The following DOCK10 variants were observed in gnomAD, a reference collection of about 807,000 sequenced individuals.
DOCK10 encodes the protein dedicator of cytokinesis 10.
Under a neutral mutation model 280.1 loss-of-function variants are expected in DOCK10, and 145 were observed. The observed-to-expected ratio is 0.52, with a 90% confidence interval of 0.45 to 0.59. The LOEUF (loss-of-function observed/expected upper bound fraction) is 0.59, where lower values mean the gene tolerates loss of function less well. DOCK10 is among the 20% of genes least tolerant of loss of function. The probability of loss-of-function intolerance (pLI) is 0.00; values close to 1 mark genes in which losing one functional copy is unlikely to be tolerated. For synonymous variants in DOCK10, 915 were observed against 942.2 expected, an observed-to-expected ratio of 0.97 and a Z score of 0.53; for missense variants, 2,368 against 2,651.7, an observed-to-expected ratio of 0.89 and a Z score of 2.35.
chr2:224,968,388 A>G (rs1056605449), intron 1 of DOCK10, among the ~76,000 whole-genome samples: 1 of 152,226 alleles, frequency 6.6e-6, no homozygotes. Context: ...GGCCTGAGGA[A>G]GCTCAACCCC....
chr2:224,873,232 T>G (rs1156270983), intron 11 of DOCK10, among the ~76,000 whole-genome samples: 1 of 152,180 alleles, frequency 6.6e-6, no homozygotes, highest in Non-Finnish European at 1.5e-5. Context: ...GATTTTTCTC[T>G]AATACACATG....
intron 13 of DOCK10, among the ~76,000 whole-genome samples, chr2:224,863,513 C>G (rs1044735777): frequency 3.9e-5 from 6 of 152,078 alleles, no homozygotes; most frequent in Non-Finnish European, 5.9e-5. Context: ...AGTGCAGTGG[C>G]AGGATCTTGG....
chr2:224,822,776 C>T (rs1559491353), intron 28 of DOCK10, among the ~76,000 whole-genome samples: 1 of 151,962 alleles, frequency 6.6e-6, no homozygotes, highest in Non-Finnish European at 1.5e-5. Flanking sequence ...ATTCCTGAAG[C>T]GTTTCCCAAA....
intron 53 of DOCK10, among the ~76,000 whole-genome samples, chr2:224,771,132 G>A (rs1372406425): frequency 1.3e-5 from 2 of 151,684 alleles, no homozygotes; most frequent in African/African-American, 4.9e-5. Context: ...GACGGGGGAA[G>A]GGGGGCGGTC....
rs1386476589 is a variant in DOCK10 at position 224,830,578 on chromosome 2, G to A, written c.2999C>T (p.Ser1000Leu). ...TGTGTCAATCAAGTGCTGTGCCATC[G>A]ATTTTAGGATAATTGCAAAGAAGAA... The part of the protein sequence containing the change: ...SWFFFAIILK[S>L]MAQHLIDTNK... The change falls in exon 27 of 56, where the codon TCG becomes TTG. Residue 1000 changes from serine (S) to leucine (L), a missense_variant. Ser to Leu is a moderately radical substitution (Grantham distance 145). This residue lies in a region of DOCK10 where 1,209 missense variants were observed against 1,250.9 expected (regional missense o/e 0.97). Transcript: ENST00000258390. 6 of 1,534,774 alleles carry A rather than the reference G, an allele frequency of 3.9e-6. No homozygotes were observed. Among genetic ancestry groups the A allele is most frequent in the South Asian group, 2.7e-5 (2 of 74,286 alleles).
chr2:224,856,414 T>C (rs1219328603), intron 15 of DOCK10, among the ~76,000 whole-genome samples: 4 of 152,196 alleles, frequency 2.6e-5, no homozygotes, highest in Admixed American at 1.3e-4. Context: ...AGGCCGGGCC[T>C]TAGGAAGCCT....
At position 224,876,040 on chromosome 2, in the gene DOCK10, A is replaced by T; in HGVS notation, c.929T>A (p.Leu310Gln). Residue 310 changes from leucine (L) to glutamine (Q), a missense_variant and splice_region_variant, in exon 8 of 56, where the codon CTG (leucine) becomes CAG (glutamine). Coordinates refer to ENST00000258390, the MANE Select transcript of DOCK10 (RefSeq NM_014689.3). ...RRSTELTDLGLDSLDNSVTCE... is the reference protein window; with the variant it reads ...RRSTELTDLGQDSLDNSVTCE... ...AAGACGGCTTCATATGCTCTCACCC[A>T]GACCCAGATCAGTGAGCTCTGTGCT... The T allele has an allele frequency of 6.2e-7, 1 of 1,611,870 alleles. No homozygotes were observed. The highest frequency in any genetic ancestry group is 8.5e-7 in the Non-Finnish European group (1 of 1,179,232).
Position 224,786,932 on chromosome 2 carries a change from C to T in DOCK10, c.5655+90G>A. 2.1e-6 allele frequency: 2 copies of T among 944,192 alleles called. No homozygotes were observed. The highest frequency in any genetic ancestry group is 1.6e-5 in the African/African-American group (1 of 62,148). 58.5% of individuals were successfully genotyped at this position (944,192 alleles called of 1,614,324 possible). A position where few individuals can be genotyped will look rare whatever the true frequency, so the allele number is the denominator to read the frequency against. On this transcript the variant is annotated intron_variant, in intron 50 of 55. Transcript: ENST00000258390. This position sits in a 1 kb window ranked among gnomAD's most constrained non-coding sequence, Gnocchi z 4.7. ...AGACACACCCACACCTCTCCATTCA[C>T]TGGTACACACAGATGTCTCATAAAG... is the stretch of plus-strand genomic sequence containing the variant.
intron 3 of DOCK10, among the ~76,000 whole-genome samples, chr2:224,906,726 G>C (rs753946116): frequency 1.3e-5 from 2 of 152,190 alleles, no homozygotes; most frequent in African/African-American, 4.8e-5. Context: ...TGATCCGCCC[G>C]CCTTGGCCTC....
At chr2:224,769,513 T>C (rs944154983) in intron 55 of DOCK10, among the ~76,000 whole-genome samples, 1 of 152,178 alleles carries the variant, frequency 6.6e-6, no homozygotes, top group Non-Finnish European at 1.5e-5. Context: ...GCACGGGTGA[T>C]GAGATGTCCA....
intron 1 of DOCK10, among the ~76,000 whole-genome samples, chr2:224,993,710 C>T (rs1324296603): frequency 6.6e-6 from 1 of 152,154 alleles, no homozygotes; most frequent in Non-Finnish European, 1.5e-5. Context: ...CTCCCTCCAT[C>T]CCCAAGCCCA....
chr2:224,893,790 A>G (rs1026967144), intron 4 of DOCK10: 18 of 323,452 alleles, frequency 5.6e-5, no homozygotes, highest in African/African-American at 3.6e-4. Context: ...AAAAAGAAAT[A>G]AGCAATTTAA....
rs745771629 is a variant in DOCK10, at chr2:224,862,746, A to G, written c.1603T>C (p.Tyr535His). ...PYIKNPDSNK[Y>H]AQKILKSNRQ... is the part of the protein sequence containing the mutation. ...TTGGATTTTAGTATCTTTTGTGCATACTAAAGAAAAAATAAATACAAATAT... is the reference window on the plus strand; with the variant it reads ...TTGGATTTTAGTATCTTTTGTGCATGCTAAAGAAAAAATAAATACAAATAT... The change falls in exon 14 of 56, where the codon TAT becomes CAT. Residue 535 changes from tyrosine (Y) to histidine (H), a missense_variant and splice_region_variant. This residue lies in a region of DOCK10 where 1,209 missense variants were observed against 1,250.9 expected (regional missense o/e 0.97). Transcript: ENST00000258390. 2.5e-6 allele frequency: 4 copies of G among 1,579,024 alleles called. No individual in the cohort carries two copies. In the African/African-American group the frequency reaches 4.1e-5, roughly 16 times the overall value.
At position 224,765,439 on chromosome 2, in the gene DOCK10, C is replaced by T. The variant is rs997670501; in HGVS notation, c.*282G>A. The T allele has an allele frequency of 6.4e-6, 2 of 314,526 alleles. No homozygotes were observed. Among genetic ancestry groups the T allele is most frequent in the African/African-American group, 4.3e-5 (2 of 46,264 alleles). 19.5% of individuals were successfully genotyped at this position (314,526 alleles called of 1,614,324 possible). On this transcript the variant is annotated 3_prime_UTR_variant, in exon 56 of 56. Transcript: ENST00000258390. ...TGTGTACTAGGACTGGGGTACTGAC[C>T]ATACAATAACTGACAGCAAACTTAG...
intron 3 of DOCK10, among the ~76,000 whole-genome samples, chr2:224,908,225 A>G (rs1165748191): frequency 7.1e-6 from 1 of 139,898 alleles, no homozygotes; most frequent in Non-Finnish European, 1.5e-5. Context: ...ACAGCTAGAG[A>G]TTTCAACAAC....
intron 1 of DOCK10, among the ~76,000 whole-genome samples, chr2:225,034,848 C>T (rs1457184949): frequency 6.6e-6 from 1 of 152,110 alleles, no homozygotes; most frequent in Non-Finnish European, 1.5e-5. Context: ...GGTGGGGAGC[C>T]TGGTGGGAGA....
At chr2:224,939,683 G>A (rs926933073) in intron 1 of DOCK10, among the ~76,000 whole-genome samples, 1 of 152,186 alleles carries the variant, frequency 6.6e-6, no homozygotes, top group Admixed American at 6.5e-5. Flanking sequence ...CCTGTGATGA[G>A]AGCTGTCACC....
chr2:224,930,392 T>G (rs1435432337), intron 2 of DOCK10, among the ~76,000 whole-genome samples: 1 of 152,032 alleles, frequency 6.6e-6, no homozygotes, highest in Non-Finnish European at 1.5e-5. Context: ...ACGAGATAAG[T>G]CTCTCTCAAA....
intron 31 of DOCK10, among the ~76,000 whole-genome samples, chr2:224,810,084 G>A (rs189024842): frequency 3.3e-5 from 5 of 151,604 alleles, no homozygotes; most frequent in Admixed American, 3.3e-4. Flanking sequence ...AACACAGAAG[G>A]ACAAATACTG....
Sources: gnomAD v4.1 joint callset for allele counts (sites outside exome capture counted in the v4.1 genomes callset) on GRCh38, gnomAD v4.1.1 for gene constraint, gnomAD v4.1.1 regional missense constraint, Gnocchi (gnomAD v3.1) non-coding constraint, MANE v1.5 for transcripts, NCBI Gene and HGNC (gene_info 2026-07-23, HGNC 2026-07-21) for gene names.